ACP2: variants seen among roughly 807,000 people sequenced by gnomAD.
The protein encoded by ACP2 is lysosomal acid phosphatase.
In ACP2, 35 loss-of-function variants were observed where a neutral mutation model predicts 54.7. The ratio of observed to expected loss-of-function variants is 0.64; its 90% CI spans 0.49 to 0.85. ACP2 has a LOEUF of 0.85. Ranked by LOEUF, ACP2 falls within the 40% of genes least tolerant of loss-of-function variation. ACP2 has a pLI of 0.00. For synonymous variants in ACP2, 210 were observed against 224.4 expected (o/e 0.94, Z 0.57); for missense variants, 492 against 565.0 (o/e 0.87, Z 1.31).
intron 1 of ACP2, 162 bp downstream of exon 1, chr11:47,248,514 T>C (rs1954315634): frequency 6.4e-7 from 1 of 1,551,254 alleles, no homozygotes; most frequent in African/African-American, 1.4e-5. Context: ...CTGACTCCCA[T>C]AAGCCAGGGC....
chr11:47,241,510 T>TC (rs1953880067), intron 10 of ACP2, among the ~76,000 whole-genome samples: 1 of 151,922 alleles, frequency 6.6e-6, no homozygotes, highest in Admixed American at 6.6e-5. Context: ...AGAGCAAAAC[T>TC]CCATCTCAAA....
rs4647764 is a variant in ACP2 at position 47,240,184 on chromosome 11, C to T, written c.1204G>A (p.Val402Ile). 77 of 1,613,950 alleles carry T rather than the reference C, an allele frequency of 4.8e-5. No homozygotes were observed. Among genetic ancestry groups the T allele is most frequent in the East Asian group, 3.3e-4 (15 of 44,894 alleles). The stretch of plus-strand genomic sequence containing the variant: ...GGCTGGGCCTGCATCCGGAAGAGGA[C>T]GGTGAGGAGCAGCACTATGAGGAGG... ...LFLLIVLLLT[V>I]LFRMQAQPPG... Residue 402 changes from valine (V) to isoleucine (I), a missense_variant, in exon 11 of 11, where the codon GTC becomes ATC. Val to Ile is a conservative substitution (Grantham distance 29). Transcript: ENST00000672073.
intron 10 of ACP2, among the ~76,000 whole-genome samples, chr11:47,241,687 T>C (rs983336842): frequency 1.1e-4 from 17 of 152,034 alleles, no homozygotes; most frequent in African/African-American, 4.1e-4. Context: ...GATCTGGCAG[T>C]GGGCTGGATG....
At chr11:47,245,946 A>T in intron 3 of ACP2, 112 bp from the exon 4 acceptor site, 1 of 1,421,218 alleles carries the variant, frequency 7.0e-7, no homozygotes, top group Non-Finnish European at 9.2e-7. Context: ...GTGTGGTGGG[A>T]AGTTTTGGTC....
At position 47,240,050 on chromosome 11, in the gene ACP2, A is replaced by G; in HGVS notation, c.*66T>C. On this transcript the variant is annotated 3_prime_UTR_variant, in exon 11 of 11. Coordinates refer to ENST00000672073, the MANE Select transcript of ACP2 (RefSeq NM_001610.4). ...TCCTGTCCATGGGCTGGGGAGCAGC[A>G]ACAGTCAGGAGCGAGGGCCCAGCCC... is the stretch of plus-strand genomic sequence containing the variant. 1 of 1,536,666 alleles carries G rather than the reference A, an allele frequency of 6.5e-7. No individual in the cohort carries two copies. Among genetic ancestry groups the G allele is most frequent in the Non-Finnish European group, 8.8e-7 (1 of 1,135,792 alleles).
chr11:47,247,757 C>A (rs376581324), intron 2 of ACP2, 30 bp from the exon 3 acceptor site: 1 of 1,606,996 alleles, frequency 6.2e-7, no homozygotes, highest in South Asian at 1.1e-5. Flanking sequence ...TTAAGAGGGT[C>A]TAGAGGGAAG....
At position 47,240,238 on chromosome 11, in the gene ACP2, C is replaced by T; in HGVS notation, c.1150G>A (p.Ala384Thr). The T allele has an allele frequency of 6.6e-7, 1 of 1,512,496 alleles. No homozygotes were observed. The allele number at this position is 1,512,496 out of a possible 1,614,324, so 93.7% of individuals were successfully genotyped here. Residue 384 changes from alanine (A) to threonine (T), a missense_variant, in exon 11 of 11, where the codon GCC becomes ACC. By Grantham distance (58) the Ala-to-Thr change is moderately conservative. Coordinates refer to ENST00000672073, the MANE Select transcript of ACP2 (RefSeq NM_001610.4). ...SGPADTEVIVALAVCGSILFL... is the reference protein window; with the variant it reads ...SGPADTEVIVTLAVCGSILFL... ...AGGATGGAGCCACATACAGCCAAGG[C>T]CACAATCACCTCTGGGCATGGGGGA...
intron 7 of ACP2, 135 bp downstream of exon 7, chr11:47,244,600 T>C: frequency 1.7e-6 from 1 of 586,022 alleles, no homozygotes; most frequent in Non-Finnish European, 2.8e-6. Context: ...ACTAGCGGCA[T>C]GAGGAGGGGG....
At chr11:47,246,523 C>T (rs1174125199) in intron 3 of ACP2, among the ~76,000 whole-genome samples, 1 of 152,076 alleles carries the variant, frequency 6.6e-6, no homozygotes, top group Non-Finnish European at 1.5e-5. Context: ...CTGCAGTGAG[C>T]TATGACTGAG....
At chr11:47,240,437 C>T (rs990403555) in intron 10 of ACP2, among the ~76,000 whole-genome samples, 188 bp from the exon 11 acceptor site, 1 of 152,232 alleles carries the variant, frequency 6.6e-6, no homozygotes, top group Non-Finnish European at 1.5e-5. Flanking sequence ...CGCCTATAAT[C>T]CCAACACTTT....
At position 47,247,773 on chromosome 11, in the gene ACP2, G is replaced by C. The variant is rs564413683; in HGVS notation, c.211-46C>G. ...TAAGAGGGTCTAGAGGGAAGGGGTG[G>C]CTTCAAGCCCCATGGGGTTTAGGCC... On this transcript the variant is annotated intron_variant, in intron 2 of 10. Transcript: ENST00000672073. 1.4e-5 allele frequency: 22 copies of C among 1,584,882 alleles called. No homozygotes were observed. The South Asian group carries it at 2.2e-4, about 16-fold the overall frequency.
chr11:47,242,876 A>T lies in ACP2; in HGVS notation c.985T>A (p.Phe329Ile), dbSNP rs771791806. The T allele has an allele frequency of 2.5e-6, 4 of 1,613,296 alleles. No homozygotes were observed. The South Asian group carries it at 4.4e-5, about 18-fold the overall frequency. The change falls in exon 10 of 11, where the codon TTT (phenylalanine) becomes ATT (isoleucine). Residue 329 changes from phenylalanine (F) to isoleucine (I), a missense_variant. By Grantham distance (21) the Phe-to-Ile change is conservative. Coordinates refer to ENST00000672073, the MANE Select transcript of ACP2 (RefSeq NM_001610.4). Reference sequence around the variant, plus strand: ...GGGGCCTTGTCACTCTCGTTCCGAAAGTACATCTCCACTGAGAAATTCCTG... The same window carrying T: ...GGGGCCTTGTCACTCTCGTTCCGAATGTACATCTCCACTGAGAAATTCCTG... ...DSGNFSVEMY[F>I]RNESDKAPWP...
intron 3 of ACP2, 137 bp from the exon 4 acceptor site, chr11:47,245,971 C>A: frequency 7.3e-7 from 1 of 1,373,664 alleles, no homozygotes; most frequent in Non-Finnish European, 9.5e-7. Flanking sequence ...CAAAGTGGAG[C>A]CCCAGAGGAG....
rs759897865 is a variant in ACP2 at position 47,243,279 on chromosome 11, G to A, written c.815C>T (p.Ala272Val). 19 of 1,614,092 alleles carry A rather than the reference G, an allele frequency of 1.2e-5. No homozygotes were observed. Among genetic ancestry groups the A allele is most frequent in the Admixed American group, 3.3e-5 (2 of 60,006 alleles). The change falls in exon 8 of 11, where the codon GCG becomes GTG. Residue 272 changes from alanine to valine, a missense_variant. Ala to Val is a moderately conservative substitution (Grantham distance 64). Coordinates refer to ENST00000672073, the MANE Select transcript of ACP2 (RefSeq NM_001610.4). ...CAGCTTGGGGAGCTGGGAGGTGGTC[G>A]CCATTAGGGTCAGGTTCTTCCTTAT... ...AQIRKNLTLM[A>V]TTSQLPKLLV...
chr11:47,247,673 C>T lies in ACP2; in HGVS notation c.265G>A (p.Gly89Ser), dbSNP rs375308541. ...CGGTGATAAGAGGTGTTTAGGAAGC[C>T]GTGATAGCGCTGCCGCAGGGCCTGG... is the stretch of plus-strand genomic sequence containing the variant. ...LGQALRQRYH[G>S]FLNTSYHRQE... Residue 89 changes from glycine to serine, a missense_variant, in exon 3 of 11, where the codon GGC (glycine) becomes AGC (serine). Coordinates refer to ENST00000672073, the MANE Select transcript of ACP2 (RefSeq NM_001610.4). 60 of 1,614,070 alleles carry T rather than the reference C, an allele frequency of 3.7e-5. No homozygotes were observed. Among genetic ancestry groups the T allele is most frequent in the Non-Finnish European group, 4.5e-5 (53 of 1,180,056 alleles).
intron 2 of ACP2, 26 bp downstream of exon 2, chr11:47,248,012 T>C (rs1954269058): frequency 6.4e-7 from 1 of 1,559,034 alleles, no homozygotes; most frequent in Non-Finnish European, 8.7e-7. Context: ...CAGCTCATCC[T>C]GAGGAAAGGC....
At chr11:47,241,292 C>T (rs978354747) in intron 10 of ACP2, among the ~76,000 whole-genome samples, 4 of 152,062 alleles carry the variant, frequency 2.6e-5, no homozygotes, top group Non-Finnish European at 5.9e-5. Flanking sequence ...CTAAGGCGGG[C>T]GGATCACCTG....
chr11:47,243,110 C>G lies in ACP2; in HGVS notation c.870G>C (p.Leu290=), dbSNP rs755654381. The change falls in exon 9 of 11, where the codon CTG becomes CTC. Residue 290 remains leucine, a synonymous_variant. Transcript: ENST00000672073. ...CATCCAGTGCCATTTGCAGGGCAACCAGGGTAGTGTCGTGCTGCGGGGGAG... is the reference window on the plus strand; with the variant it reads ...CATCCAGTGCCATTTGCAGGGCAACGAGGGTAGTGTCGTGCTGCGGGGGAG... ...LLVYSAHDTT[L]VALQMALDVY... The G allele has an allele frequency of 6.2e-7, 1 of 1,614,210 alleles. No homozygotes were observed. The highest frequency in any genetic ancestry group is 1.1e-5 in the South Asian group (1 of 91,082).
chr11:47,243,552 C>T (rs1490854721), intron 7 of ACP2, among the ~76,000 whole-genome samples: 3 of 152,224 alleles, frequency 2.0e-5, no homozygotes, highest in Non-Finnish European at 2.9e-5. Flanking sequence ...TATTTCAACA[C>T]GGATGTAGAA....
Sources: gnomAD v4.1 joint callset for allele counts (sites outside exome capture counted in the v4.1 genomes callset) on GRCh38, gnomAD v4.1.1 for gene constraint, MANE v1.5 for transcripts, NCBI Gene and HGNC (gene_info 2026-07-23, HGNC 2026-07-21) for gene names.